SLC45A1: variants seen among roughly 807,000 people sequenced by gnomAD.
The protein encoded by SLC45A1 is solute carrier family 45 member 1.
Under a neutral mutation model 57.6 loss-of-function variants are expected in SLC45A1, and 28 were observed. That is an observed-to-expected ratio of 0.49 (90% CI 0.36 to 0.67). SLC45A1 has a LOEUF of 0.67. SLC45A1 is among the 30% of genes least tolerant of loss of function. The pLI is 0.00. For missense variants in SLC45A1, 814 were observed against 1,041.5 expected, an observed-to-expected ratio of 0.78 and a Z score of 3.01; for synonymous variants, 459 against 471.5, an observed-to-expected ratio of 0.97 and a Z score of 0.34.
chr1:8,334,998 C>T (rs566463781), intron 5 of SLC45A1, among the ~76,000 whole-genome samples: 1 of 152,142 alleles, frequency 6.6e-6, no homozygotes, highest in Non-Finnish European at 1.5e-5. Flanking sequence ...GGGGGTTCCA[C>T]CTGTCCAGAG....
chr1:8,319,448 C>A (rs1288737656), intron 1 of SLC45A1, among the ~76,000 whole-genome samples: 1 of 152,202 alleles, frequency 6.6e-6, no homozygotes, highest in Non-Finnish European at 1.5e-5. Context: ...TTTTATTAAT[C>A]ATTTGCCGCT....
chr1:8,332,335 G>A (rs11586622), intron 5 of SLC45A1, among the ~76,000 whole-genome samples: 83,056 of 151,990 alleles, frequency 0.55, 23,212 homozygotes, highest in East Asian at 0.8. Flanking sequence ...GGTGCCTGAC[G>A]TCGGTTAACT....
Position 8,339,621 on chromosome 1 carries a change from A to G in SLC45A1, c.1903A>G (p.Ile635Val), listed in dbSNP as rs768247670. The part of the protein sequence containing the change: ...RNLYVVLSLC[I>V]TYGILFSTLC... ...CCTCTACGTGGTCCTGTCGCTCTGC[A>G]TAACCTACGGGATTTTATTTTCCAC... The change falls in exon 8 of 9, where the codon ATA (isoleucine) becomes GTA (valine). Residue 635 changes from isoleucine to valine, a missense_variant. Transcript: ENST00000471889. 4 of 1,614,232 alleles carry G rather than the reference A, an allele frequency of 2.5e-6. No individual in the cohort carries two copies. The highest frequency in any genetic ancestry group is 2.2e-5 in the East Asian group (1 of 44,888).
At position 8,338,546 on chromosome 1, in the gene SLC45A1, A is replaced by G. The variant is rs77349511; in HGVS notation, c.1774+554A>G. On this transcript the variant is annotated intron_variant, in intron 7 of 8. Transcript: ENST00000471889. ...CCTGGCCGGTAGCGTGCACCGGGCA[A>G]ATTTTATCCCAGAGGTCCGCATACT... Among the ~76,000 whole-genome samples the G allele has an allele frequency of 4.8e-3, 727 of 152,324 alleles. 6 individuals carry two copies. The highest frequency in any genetic ancestry group is 0.017 in the African/African-American group (704 of 41,584).
rs76341818 is a variant in SLC45A1, at chr1:8,326,252, G to A, written c.715+210G>A. Among the ~76,000 whole-genome samples, 685 of 152,262 alleles carry A rather than the reference G, an allele frequency of 4.5e-3. 7 individuals carry two copies. The highest frequency in any genetic ancestry group is 0.016 in the African/African-American group (660 of 41,552). On this transcript the variant is annotated intron_variant, in intron 4 of 8. Coordinates refer to ENST00000471889, the MANE Select transcript of SLC45A1 (RefSeq NM_001080397.3). The surrounding 1 kb of genome is among the most constrained non-coding windows in gnomAD (Gnocchi z 5.5). ...TGTTGACACATAAACAACAATTATA[G>A]GTCTATAAATTCAAATGTTTATATT...
In SLC45A1 at chr1:8,322,687, C is replaced by G. The variant is rs1431169093; in HGVS notation, c.-24-1619C>G. ...GGAAAAAAGTGGCTTACTTTTGAAG[C>G]TTAAAACTAATTTTGAGAGAAAGCC... On this transcript the variant is annotated intron_variant, in intron 1 of 8. Coordinates refer to ENST00000471889, the MANE Select transcript of SLC45A1 (RefSeq NM_001080397.3). Among the ~76,000 whole-genome samples, 3 of 152,150 alleles carry G rather than the reference C, an allele frequency of 2.0e-5. 1 individual carries two copies. Among genetic ancestry groups the G allele is most frequent in the Admixed American group, 2.0e-4 (3 of 15,280 alleles).
chr1:8,332,626 T>C (rs1043490394), intron 5 of SLC45A1, among the ~76,000 whole-genome samples: 1 of 151,654 alleles, frequency 6.6e-6, no homozygotes, highest in African/African-American at 2.4e-5. Flanking sequence ...ATTCTCCTGC[T>C]TCAGCCTCCT....
intron 8 of SLC45A1, among the ~76,000 whole-genome samples, chr1:8,341,558 GA>G (rs55944229): frequency 1.6e-4 from 21 of 134,166 alleles, no homozygotes; most frequent in African/African-American, 5.0e-4. Context: ...GTAATACTTT[GA>G]AAAAAAAAAA....
intron 7 of SLC45A1, among the ~76,000 whole-genome samples, chr1:8,338,415 C>T (rs1456258965): frequency 6.6e-6 from 1 of 152,184 alleles, no homozygotes. Context: ...TAGGGGTGGG[C>T]AGGGGCCAGG....
At chr1:8,342,920 G>A (rs896143968) in intron 8 of SLC45A1, among the ~76,000 whole-genome samples, 23 of 150,582 alleles carry the variant, frequency 1.5e-4, no homozygotes, top group African/African-American at 5.4e-4. Flanking sequence ...AAAGAAAAGA[G>A]AAAAGAAAGA....
At chr1:8,340,077 C>A (rs1289228317) in intron 8 of SLC45A1, among the ~76,000 whole-genome samples, 38 of 152,148 alleles carry the variant, frequency 2.5e-4, no homozygotes, top group Admixed American at 2.4e-3. Flanking sequence ...ACTCAGCAAT[C>A]CAGATCGATA....
Position 8,343,980 on chromosome 1 carries a change from C to T in SLC45A1, c.2214C>T (p.Asp738=), listed in dbSNP as rs372768588. The stretch of plus-strand genomic sequence containing the variant: ...AAATTCCTCCCAGCGACGCTGCAGA[C>T]GAGGAGCACCGGCCCCTCCTGCTGA... ...IYEIPPSDAA[D]EEHRPLLLNV Residue 738 remains aspartate (D), a synonymous_variant, in exon 9 of 9, where the codon GAC becomes GAT. Transcript: ENST00000471889. This position sits in a 1 kb window ranked among gnomAD's most constrained non-coding sequence, Gnocchi z 7.7. 1.9e-5 allele frequency: 31 copies of T among 1,612,984 alleles called. No homozygotes were observed. The highest frequency in any genetic ancestry group is 6.7e-5 in the East Asian group (3 of 44,864).
intron 6 of SLC45A1, among the ~76,000 whole-genome samples, chr1:8,337,352 C>T (rs1346221984): frequency 6.6e-6 from 1 of 152,204 alleles, no homozygotes; most frequent in African/African-American, 2.4e-5. Context: ...ATGGGAGCTA[C>T]AATTAGAGAT....
chr1:8,344,100 CAG>C lies in SLC45A1; in HGVS notation c.*88_*89del. On this transcript the variant is annotated 3_prime_UTR_variant, in exon 9 of 9. Transcript: ENST00000471889. ...GTGAGGACCAAAGGGCCTTGTTGGA[CAG>C]GGGGACTGGCTGCCTACTGGAATGT... is the stretch of plus-strand genomic sequence containing the variant. The C allele has an allele frequency of 8.0e-7, 1 of 1,250,630 alleles. No individual in the cohort carries two copies. The highest frequency in any genetic ancestry group is 1.1e-6 in the Non-Finnish European group (1 of 907,264). 77.5% of individuals were successfully genotyped at this position (1,250,630 alleles called of 1,614,324 possible).
chr1:8,321,492 T>TA (rs1296237855), intron 1 of SLC45A1, among the ~76,000 whole-genome samples: 1 of 152,172 alleles, frequency 6.6e-6, no homozygotes, highest in Non-Finnish European at 1.5e-5. Flanking sequence ...GCCCAACTGT[T>TA]ACTCATATCT....
At position 8,330,182 on chromosome 1, in the gene SLC45A1, G is replaced by A; in HGVS notation, c.716-27G>A. On this transcript the variant is annotated intron_variant, in intron 4 of 8. Transcript: ENST00000471889. The surrounding 1 kb of genome is among the most constrained non-coding windows in gnomAD (Gnocchi z 8.4). ...TTGGGGCTTCTCCTCCCGCAGAAGG[G>A]AACTCAAACCCTGTCTCTTTCCCCA... 6.2e-7 allele frequency: 1 copy of A among 1,602,874 alleles called. No homozygotes were observed. Among genetic ancestry groups the A allele is most frequent in the Non-Finnish European group, 8.5e-7 (1 of 1,173,850 alleles).
chr1:8,338,024 T>C, intron 7 of SLC45A1, 32 bp downstream of exon 7: 1 of 1,604,212 alleles, frequency 6.2e-7, no homozygotes, highest in East Asian at 2.2e-5. Context: ...GGCACGGCAG[T>C]GAGAGCTTTG....
At chr1:8,337,705 A>C in intron 6 of SLC45A1, 111 bp from the exon 7 acceptor site, 6 of 1,047,396 alleles carry the variant, frequency 5.7e-6, no homozygotes, top group Non-Finnish European at 8.4e-6. Context: ...GGCGTGAGCC[A>C]CCACGCCCAG....
chr1:8,321,980 T>C (rs1174097879), intron 1 of SLC45A1, among the ~76,000 whole-genome samples: 1 of 97,812 alleles, frequency 1.0e-5, no homozygotes, highest in Non-Finnish European at 2.0e-5. Flanking sequence ...GATGAGTGGA[T>C]GGGTGGGTGG....
Sources: gnomAD v4.1 joint callset for allele counts (sites outside exome capture counted in the v4.1 genomes callset) on GRCh38, gnomAD v4.1.1 for gene constraint, Gnocchi (gnomAD v3.1) non-coding constraint, MANE v1.5 for transcripts, NCBI Gene and HGNC (gene_info 2026-07-23, HGNC 2026-07-21) for gene names.